FAM222A: variants seen among roughly 807,000 people sequenced by gnomAD.
The protein encoded by FAM222A is family with sequence similarity 222 member A.
Under a neutral mutation model 25.8 loss-of-function variants are expected in FAM222A, and 7 were observed. The ratio of observed to expected loss-of-function variants is 0.27; its 90% CI spans 0.15 to 0.51. The LOEUF is 0.51. Ranked by LOEUF, FAM222A falls within the 20% of genes least tolerant of loss-of-function variation. The pLI, the probability that FAM222A is intolerant of heterozygous loss-of-function variation, is 0.97. For synonymous variants in FAM222A, 294 were observed against 298.8 expected, an observed-to-expected ratio of 0.98 and a Z score of 0.17; for missense variants, 573 against 640.5, an observed-to-expected ratio of 0.89 and a Z score of 1.14.
Position 109,746,497 on chromosome 12 carries a change from C to CA in FAM222A, c.82+2279dup, listed in dbSNP as rs535598753. Among the ~76,000 whole-genome samples, 20 of 146,302 alleles carry CA rather than the reference C, an allele frequency of 1.4e-4. No homozygotes were observed. In the South Asian group the frequency reaches 3.1e-3, roughly 22 times the overall value. ...GAGTGAGACTTGGTCTCAAAAAAAA[C>CA]AAAAAAAAAAGTATGCTCTCTATAT... On this transcript the variant is annotated intron_variant, in intron 2 of 2. Coordinates refer to ENST00000538780, the MANE Select transcript of FAM222A (RefSeq NM_032829.3).
At chr12:109,762,466 CTATT>C (rs1452655485) in intron 2 of FAM222A, among the ~76,000 whole-genome samples, 1 of 152,224 alleles carries the variant, frequency 6.6e-6, no homozygotes. Context: ...CCATGGCATC[CTATT>C]TATTTGATAG....
rs369474656 is a variant in FAM222A, at chr12:109,718,481, C to T, written c.-47+3584C>T. Among the ~76,000 whole-genome samples, 29 of 152,322 alleles carry T rather than the reference C, an allele frequency of 1.9e-4. 1 individual carries two copies. Among genetic ancestry groups the T allele is most frequent in the African/African-American group, 6.5e-4 (27 of 41,578 alleles). On this transcript the variant is annotated intron_variant, in intron 1 of 2. Coordinates refer to ENST00000538780, the MANE Select transcript of FAM222A (RefSeq NM_032829.3). Reference sequence around the variant, plus strand: ...CATGAACCGTAATTCAATCAGGCGGCGATTCCTCTGGGCTCGGGGCGGGGG... The same window carrying T: ...CATGAACCGTAATTCAATCAGGCGGTGATTCCTCTGGGCTCGGGGCGGGGG...
intron 1 of FAM222A, among the ~76,000 whole-genome samples, chr12:109,742,557 G>A (rs1382015412): frequency 6.6e-6 from 1 of 151,770 alleles, no homozygotes; most frequent in African/African-American, 2.4e-5. Context: ...TGGGGAGGGG[G>A]CGGTGAGAAT....
intron 2 of FAM222A, among the ~76,000 whole-genome samples, chr12:109,762,791 G>A (rs976875844): frequency 2.0e-5 from 3 of 152,212 alleles, no homozygotes; most frequent in Non-Finnish European, 2.9e-5. Context: ...GTCCTTCAGG[G>A]AACAAGATGT....
chr12:109,716,694 C>G (rs1010000262), intron 1 of FAM222A, among the ~76,000 whole-genome samples: 1 of 152,218 alleles, frequency 6.6e-6, no homozygotes, highest in Non-Finnish European at 1.5e-5. Context: ...CAAACACAGG[C>G]AGTTGGAGGC....
chr12:109,729,549 A>T (rs1019393275), intron 1 of FAM222A, among the ~76,000 whole-genome samples: 1 of 152,268 alleles, frequency 6.6e-6, no homozygotes, highest in African/African-American at 2.4e-5. Context: ...CAAGACTTCA[A>T]ACTCACCCAA....
At chr12:109,722,948 G>T (rs1052976039) in intron 1 of FAM222A, 1 of 146,722 alleles carries the variant, frequency 6.8e-6, no homozygotes, top group East Asian at 2.1e-4. Context: ...GCCTCAATAG[G>T]TGAGATAACA....
intron 2 of FAM222A, among the ~76,000 whole-genome samples, chr12:109,766,382 G>C (rs1389051889): frequency 6.6e-6 from 1 of 152,226 alleles, no homozygotes; most frequent in Non-Finnish European, 1.5e-5. Flanking sequence ...ACTTATAGTG[G>C]GGACAGTCAG....
At chr12:109,735,269 T>C (rs1320740476) in intron 1 of FAM222A, among the ~76,000 whole-genome samples, 1 of 152,190 alleles carries the variant, frequency 6.6e-6, no homozygotes, top group Non-Finnish European at 1.5e-5. Context: ...GGCCAACCTC[T>C]TCCGTGGGGC....
At chr12:109,726,499 G>C (rs1887845131) in intron 1 of FAM222A, among the ~76,000 whole-genome samples, 1 of 152,228 alleles carries the variant, frequency 6.6e-6, no homozygotes, top group Non-Finnish European at 1.5e-5. Flanking sequence ...TGTAACCATT[G>C]TACCATCCTC....
intron 2 of FAM222A, among the ~76,000 whole-genome samples, chr12:109,751,087 C>T (rs1383127013): frequency 6.6e-6 from 1 of 152,128 alleles, no homozygotes; most frequent in Admixed American, 6.5e-5. Flanking sequence ...CTATCTTTCA[C>T]CTGTCTTCCC....
chr12:109,768,616 C>G lies in FAM222A; in HGVS notation c.687C>G (p.Ser229Arg), dbSNP rs756581188. 6.2e-6 allele frequency: 10 copies of G among 1,603,406 alleles called. No homozygotes were observed. Among genetic ancestry groups the G allele is most frequent in the Non-Finnish European group, 8.5e-6 (10 of 1,179,440 alleles). The stretch of plus-strand genomic sequence containing the variant: ...AGGGCATGGCTATTCCCCATCCCAG[C>G]CCTGCCAAGCACGGCCCAGTGCCCA... ...ACQGMAIPHP[S>R]PAKHGPVPSF... Residue 229 changes from serine to arginine, a missense_variant, in exon 3 of 3, where the codon AGC becomes AGG. This residue lies in a region of FAM222A where 412 missense variants were observed against 407.0 expected (regional missense o/e 1.01). Coordinates refer to ENST00000538780, the MANE Select transcript of FAM222A (RefSeq NM_032829.3).
rs1887591907 is a variant in FAM222A at position 109,714,217 on chromosome 12, GCTGCCGCCGCC to G, written c.-726_-716del. ...GTCGCCCGCTGCCGCCGCCGCCGCC[GCTGCCGCCGCC>G]GCTGTTCGCCGGCTTCCCCTCCCCC... is the stretch of plus-strand genomic sequence containing the variant. On this transcript the variant is annotated 5_prime_UTR_variant, in exon 1 of 3. Coordinates refer to ENST00000538780, the MANE Select transcript of FAM222A (RefSeq NM_032829.3). The surrounding 1 kb of genome is among the most constrained non-coding windows in gnomAD (Gnocchi z 4.2). 1 of 183,960 alleles carries G rather than the reference GCTGCCGCCGCC, an allele frequency of 5.4e-6. No homozygotes were observed. Among genetic ancestry groups the G allele is most frequent in the Admixed American group, 6.7e-5 (1 of 14,986 alleles). 11.4% of individuals were successfully genotyped at this position (183,960 alleles called of 1,614,324 possible). A position where few individuals can be genotyped will look rare whatever the true frequency, so the allele number is the denominator to read the frequency against.
intron 1 of FAM222A, among the ~76,000 whole-genome samples, chr12:109,722,138 G>C (rs1592777244): frequency 6.6e-6 from 1 of 152,188 alleles, no homozygotes; most frequent in African/African-American, 2.4e-5. Context: ...AAGGGTGAAC[G>C]TCCGGGTGGA....
chr12:109,728,584 C>G (rs1383630881), intron 1 of FAM222A, among the ~76,000 whole-genome samples: 2 of 152,206 alleles, frequency 1.3e-5, no homozygotes, highest in Non-Finnish European at 2.9e-5. Flanking sequence ...TCCTCTGTGC[C>G]TTTGCTCAGA....
At chr12:109,745,303 A>T (rs893327529) in intron 2 of FAM222A, among the ~76,000 whole-genome samples, 2 of 152,210 alleles carry the variant, frequency 1.3e-5, no homozygotes, top group Non-Finnish European at 2.9e-5. Context: ...GAGCTTCCTC[A>T]TTCTTTCGCC....
chr12:109,768,497 C>A lies in FAM222A; in HGVS notation c.568C>A (p.Pro190Thr). ...CATCCCCCTGCCGGGCCGGGGCCTG[C>A]CCCTGCCACCTTCCAACCTGCCCTC... is the stretch of plus-strand genomic sequence containing the variant. Reference protein sequence around the residue: ...SVIPLPGRGLPLPPSNLPSIH... With the variant: ...SVIPLPGRGLTLPPSNLPSIH... The change falls in exon 3 of 3, where the codon CCC becomes ACC. Residue 190 changes from proline (P) to threonine (T), a missense_variant. Physicochemically the swap from Pro to Thr is conservative, Grantham distance 38. Transcript: ENST00000538780. The A allele has an allele frequency of 6.2e-7, 1 of 1,605,106 alleles. No homozygotes were observed. Among genetic ancestry groups the A allele is most frequent in the South Asian group, 1.1e-5 (1 of 90,938 alleles).
Position 109,718,916 on chromosome 12 carries a change from C to T in FAM222A, c.-47+4019C>T, listed in dbSNP as rs556743015. Among the ~76,000 whole-genome samples, 4 of 152,256 alleles carry T rather than the reference C, an allele frequency of 2.6e-5. No homozygotes were observed. In the South Asian group the frequency reaches 6.2e-4, roughly 24 times the overall value. Reference sequence around the variant, plus strand: ...GGATGGATTCCTTCCACCTGGACCCCTGATTGCTTAGTTGAGAAATATCTG... The same window carrying T: ...GGATGGATTCCTTCCACCTGGACCCTTGATTGCTTAGTTGAGAAATATCTG... On this transcript the variant is annotated intron_variant, in intron 1 of 2. Coordinates refer to ENST00000538780, the MANE Select transcript of FAM222A (RefSeq NM_032829.3).
chr12:109,727,909 C>T (rs565540868), intron 1 of FAM222A, among the ~76,000 whole-genome samples: 34 of 152,252 alleles, frequency 2.2e-4, no homozygotes, highest in African/African-American at 7.2e-4. Flanking sequence ...TCAATCGTGG[C>T]GGGACTCTGG....
Sources: allele counts gnomAD v4.1 joint callset (sites outside exome capture counted in the v4.1 genomes callset), GRCh38; gene constraint gnomAD v4.1.1; regional missense constraint gnomAD v4.1.1; non-coding constraint Gnocchi (gnomAD v3.1); transcripts MANE v1.5; gene names NCBI Gene and HGNC (gene_info 2026-07-23, HGNC 2026-07-21).